Variants in NRDC observed in about 807,000 individuals in gnomAD.
The protein encoded by NRDC is nardilysin convertase, also known as nardilysin.
Under a neutral mutation model 147.1 loss-of-function variants are expected in NRDC, and 54 were observed. That is an observed-to-expected ratio of 0.37 (90% CI 0.29 to 0.46). The LOEUF is 0.46. NRDC is among the 20% of genes least tolerant of loss of function. The pLI, the probability that NRDC is intolerant of heterozygous loss-of-function variation, is 1.00. For missense variants in NRDC, 1,082 were observed against 1,370.6 expected, an observed-to-expected ratio of 0.79 and a Z score of 3.33; for synonymous variants, 440 against 482.1, an observed-to-expected ratio of 0.91 and a Z score of 1.14.
At chr1:51,855,489 A>C (rs1433449425) in intron 1 of NRDC, among the ~76,000 whole-genome samples, 1 of 151,582 alleles carries the variant, frequency 6.6e-6, no homozygotes, top group Non-Finnish European at 1.5e-5. Context: ...AGCCCTTATA[A>C]AGAAAAAAAA....
intron 11 of NRDC, among the ~76,000 whole-genome samples, chr1:51,815,061 T>C (rs1679895415): frequency 6.6e-6 from 1 of 152,112 alleles, no homozygotes; most frequent in African/African-American, 2.4e-5. Flanking sequence ...CAAATACGAA[T>C]AGATATGGCA....
intron 1 of NRDC, among the ~76,000 whole-genome samples, chr1:51,877,146 C>CCACTGCCCTCCAG (rs1683370786): frequency 6.6e-6 from 1 of 151,488 alleles, no homozygotes; most frequent in Non-Finnish European, 1.5e-5. Flanking sequence ...CAAGATCGCG[C>CCACTGCCCTCCAG]CACTGCACTC....
At chr1:51,827,108 C>A (rs560891811) in intron 5 of NRDC, among the ~76,000 whole-genome samples, 1 of 152,260 alleles carries the variant, frequency 6.6e-6, no homozygotes, top group African/African-American at 2.4e-5. Flanking sequence ...CTAGGAGGAG[C>A]TTAACCATTC....
In NRDC at chr1:51,874,062, T is replaced by C. The variant is rs978161977; in HGVS notation, c.341+4213A>G. 4.0e-5 allele frequency among the ~76,000 whole-genome samples: 6 copies of C among 149,556 alleles called. 1 individual carries two copies. In the South Asian group the frequency reaches 1.3e-3, roughly 32 times the overall value. On this transcript the variant is annotated intron_variant, in intron 1 of 30. Transcript: ENST00000352171. Reference sequence around the variant, plus strand: ...ATTTCTACAAAAAATTAGCCGGACATGGTGGGGCAGGTTGTGATGGTGCCT... The same window carrying C: ...ATTTCTACAAAAAATTAGCCGGACACGGTGGGGCAGGTTGTGATGGTGCCT...
chr1:51,876,988 A>G lies in NRDC; in HGVS notation c.341+1287T>C, dbSNP rs145249457. Among the ~76,000 whole-genome samples, 659 of 152,046 alleles carry G rather than the reference A, an allele frequency of 4.3e-3. 6 individuals carry two copies. Among genetic ancestry groups the G allele is most frequent in the African/African-American group, 0.015 (618 of 41,504 alleles). On this transcript the variant is annotated intron_variant, in intron 1 of 30. Coordinates refer to ENST00000352171, the MANE Select transcript of NRDC (RefSeq NM_001101662.2). ...CGGATCACAAGGTCAAGAGATCGAA[A>G]CCATCCTGGCCAATATGGTGAAACC...
chr1:51,795,567 T>G (rs1678860664), intron 22 of NRDC: 1 of 176,314 alleles, frequency 5.7e-6, no homozygotes, highest in African/African-American at 2.4e-5. Flanking sequence ...GCCATTTATA[T>G]ATTCCAATCA....
chr1:51,828,940 A>G (rs1680579447), intron 4 of NRDC, among the ~76,000 whole-genome samples: 1 of 152,130 alleles, frequency 6.6e-6, no homozygotes, highest in Non-Finnish European at 1.5e-5. Context: ...GGCTTCTTTA[A>G]AAAACTTTTA....
rs1473608429 is a variant in NRDC at position 51,823,804 on chromosome 1, A to C, written c.1037-18T>G. 2 of 1,563,666 alleles carry C rather than the reference A, an allele frequency of 1.3e-6. No individual in the cohort carries two copies. The highest frequency in any genetic ancestry group is 1.7e-6 in the Non-Finnish European group (2 of 1,150,498). ...AGCATTTCCTATAAAAGAATGAAAA[A>C]AATTATAGATATAACTAAGTTAACT... On this transcript the variant is annotated intron_variant, in intron 6 of 30. Coordinates refer to ENST00000352171, the MANE Select transcript of NRDC (RefSeq NM_001101662.2).
chr1:51,790,543 A>T lies in NRDC; in HGVS notation c.3158T>A (p.Leu1053His). 2 of 1,610,880 alleles carry T rather than the reference A, an allele frequency of 1.2e-6. No individual in the cohort carries two copies. The highest frequency in any genetic ancestry group is 1.7e-6 in the Non-Finnish European group (2 of 1,177,028). Reference protein sequence around the residue: ...VVTQQYLFDRLAHEIEALKSF... With the variant: ...VVTQQYLFDRHAHEIEALKSF... ...TGAAAACCATGTTACCTCGTGGGCA[A>T]GGCGGTCAAAGAGGTACTGCTGTGT... is the stretch of plus-strand genomic sequence containing the variant. Residue 1053 changes from leucine to histidine, a missense_variant, in exon 29 of 31, where the codon CTT (leucine) becomes CAT (histidine). Physicochemically the swap from Leu to His is moderately conservative, Grantham distance 99. Coordinates refer to ENST00000352171, the MANE Select transcript of NRDC (RefSeq NM_001101662.2).
At chr1:51,792,450 A>G in intron 24 of NRDC, 26 bp from the exon 25 acceptor site, 11 of 1,612,168 alleles carry the variant, frequency 6.8e-6, no homozygotes, top group Non-Finnish European at 9.3e-6. Context: ...TGTCAGGCCA[A>G]CTGAATATCC....
chr1:51,840,933 G>A (rs1409947725), intron 1 of NRDC, among the ~76,000 whole-genome samples: 3 of 152,280 alleles, frequency 2.0e-5, no homozygotes, highest in Middle Eastern at 3.4e-3. Flanking sequence ...ATACAGAACA[G>A]TCATGTCAGC....
chr1:51,847,828 G>A (rs1000354926), intron 1 of NRDC, among the ~76,000 whole-genome samples: 10 of 152,230 alleles, frequency 6.6e-5, no homozygotes, highest in Admixed American at 5.9e-4. Flanking sequence ...GTGCAGCGGC[G>A]GCCTGAAGAG....
At position 51,792,870 on chromosome 1, in the gene NRDC, T is replaced by C. The variant is rs563040979; in HGVS notation, c.2776-446A>G. Among the ~76,000 whole-genome samples the C allele has an allele frequency of 4.0e-4, 61 of 152,156 alleles. 1 individual carries two copies. In the South Asian group the frequency reaches 0.011, roughly 27 times the overall value. On this transcript the variant is annotated intron_variant, in intron 24 of 30. Transcript: ENST00000352171. ...TGCCACATAAAAGGACCAAAACCAG[T>C]TGATAAGAAAAATACTTCAGAGAAA... is the stretch of plus-strand genomic sequence containing the variant.
intron 22 of NRDC, among the ~76,000 whole-genome samples, chr1:51,797,215 T>G (rs1370431430): frequency 6.6e-6 from 1 of 151,836 alleles, no homozygotes; most frequent in Non-Finnish European, 1.5e-5. Flanking sequence ...AAAAAAGGGG[T>G]ACAGTTCAAT....
chr1:51,815,244 G>A (rs1020929003), intron 11 of NRDC, among the ~76,000 whole-genome samples: 10 of 142,928 alleles, frequency 7.0e-5, no homozygotes, highest in African/African-American at 2.1e-4. Context: ...GTCTGGTCTC[G>A]AACTCCTGGG....
intron 1 of NRDC, among the ~76,000 whole-genome samples, chr1:51,869,672 T>C (rs1254627301): frequency 6.6e-6 from 1 of 152,256 alleles, no homozygotes; most frequent in Non-Finnish European, 1.5e-5. Flanking sequence ...AAAATAAAGT[T>C]GTACCAACTT....
chr1:51,801,990 T>C (rs1336166014), intron 20 of NRDC, among the ~76,000 whole-genome samples: 1 of 152,144 alleles, frequency 6.6e-6, no homozygotes, highest in Non-Finnish European at 1.5e-5. Flanking sequence ...GGTTTCACTG[T>C]GTTAGCCAGG....
chr1:51,807,540 C>A (rs1195884675), intron 17 of NRDC, among the ~76,000 whole-genome samples: 1 of 152,058 alleles, frequency 6.6e-6, no homozygotes, highest in Non-Finnish European at 1.5e-5. Context: ...GACCACATCT[C>A]TAGAAACAAA....
intron 1 of NRDC, among the ~76,000 whole-genome samples, chr1:51,866,906 T>C (rs1682836953): frequency 6.6e-6 from 1 of 152,040 alleles, no homozygotes; most frequent in African/African-American, 2.4e-5. Context: ...GAAGAGGCAA[T>C]ATAAAGAGGG....
Sources: allele counts gnomAD v4.1 joint callset (sites outside exome capture counted in the v4.1 genomes callset), GRCh38; gene constraint gnomAD v4.1.1; transcripts MANE v1.5; gene names NCBI Gene and HGNC (gene_info 2026-07-23, HGNC 2026-07-21).